The following TENT2 variants were observed in gnomAD, a reference collection of about 807,000 sequenced individuals.
The protein encoded by TENT2 is terminal nucleotidyltransferase 2, also known as poly(A) RNA polymerase GLD2.
In TENT2, 44 loss-of-function variants were observed where a neutral mutation model predicts 72.2. The observed-to-expected ratio is 0.61, with a 90% CI of 0.48 to 0.78. TENT2 has a LOEUF of 0.78. Ranked by LOEUF, TENT2 falls within the 30% of genes least tolerant of loss-of-function variation. TENT2 has a pLI of 0.00. For missense variants in TENT2, 541 were observed against 569.6 expected (o/e 0.95, Z 0.51); for synonymous variants, 212 against 192.5 (o/e 1.10, Z -0.84).
intron 6 of TENT2, 147 bp from the exon 7 acceptor site, chr5:79,642,685 A>G (rs1785400552): frequency 1.9e-6 from 1 of 537,478 alleles, no homozygotes. Flanking sequence ...ATTTAGAAAA[A>G]TAAATTGAAT....
chr5:79,658,355 ATTC>A (rs1799413040), intron 11 of TENT2, among the ~76,000 whole-genome samples: 2 of 148,952 alleles, frequency 1.3e-5, no homozygotes, highest in Admixed American at 1.4e-4. Context: ...CTTTTTATTT[ATTC>A]TTTTTTTTTT....
chr5:79,685,499 T>C lies in TENT2; in HGVS notation c.*226T>C. Reference sequence around the variant, plus strand: ...AAATGTTTACATTGATGATGAGTAATATTGCATGTGTTTTCAGGTGATCAG... The same window carrying C: ...AAATGTTTACATTGATGATGAGTAACATTGCATGTGTTTTCAGGTGATCAG... On this transcript the variant is annotated 3_prime_UTR_variant, in exon 15 of 15. Coordinates refer to ENST00000453514, the MANE Select transcript of TENT2 (RefSeq NM_001114394.3). The C allele has an allele frequency of 5.7e-6, 2 of 351,694 alleles. No homozygotes were observed. Among genetic ancestry groups the C allele is most frequent in the Non-Finnish European group, 1.0e-5 (2 of 197,794 alleles). The allele number at this position is 351,694 out of a possible 1,614,324, so 21.8% of individuals were successfully genotyped here. A position where few individuals can be genotyped will look rare whatever the true frequency, so the allele number is the denominator to read the frequency against.
In TENT2 at chr5:79,626,599, A is replaced by G. The variant is rs189315052; in HGVS notation, c.465+3110A>G. Among the ~76,000 whole-genome samples the G allele has an allele frequency of 8.9e-4, 131 of 146,522 alleles. 1 individual carries two copies. Among genetic ancestry groups the G allele is most frequent in the African/African-American group, 3.1e-3 (123 of 39,648 alleles). On this transcript the variant is annotated intron_variant, in intron 4 of 14. Coordinates refer to ENST00000453514, the MANE Select transcript of TENT2 (RefSeq NM_001114394.3). ...TGGAATTACAGGCGTGAACCCCCGC[A>G]CCCGGCCACCTGGCTAATGTTTTTA...
intron 14 of TENT2, among the ~76,000 whole-genome samples, chr5:79,682,491 G>A (rs909805491): frequency 6.7e-6 from 1 of 149,756 alleles, no homozygotes; most frequent in East Asian, 1.9e-4. Flanking sequence ...CACCATGTTG[G>A]TCAGGCTGGT....
chr5:79,639,637 G>C (rs766896504), intron 4 of TENT2, among the ~76,000 whole-genome samples: 1 of 152,108 alleles, frequency 6.6e-6, no homozygotes, highest in Non-Finnish European at 1.5e-5. Context: ...TTTTTATGCT[G>C]ATGGCTTGGG....
chr5:79,622,821 T>G (rs1426737082), intron 3 of TENT2, among the ~76,000 whole-genome samples: 1 of 152,210 alleles, frequency 6.6e-6, no homozygotes, highest in Middle Eastern at 3.2e-3. Flanking sequence ...TTAATTGGTC[T>G]TTCCTGCTGA....
At chr5:79,669,102 G>T in intron 12 of TENT2, 74 bp downstream of exon 12, 1 of 1,460,228 alleles carries the variant, frequency 6.8e-7, no homozygotes, top group African/African-American at 1.4e-5. Flanking sequence ...ATATGAATAC[G>T]AATATATAAG....
chr5:79,659,556 GTATATATATATATATATATATATA>G (rs71855117), intron 11 of TENT2, among the ~76,000 whole-genome samples: 28 of 34,272 alleles, frequency 8.2e-4, no homozygotes, highest in Non-Finnish European at 1.2e-3. Flanking sequence ...AAAAAAAAAT[GTATATATATATATATATATATATA>G]TATATATATA....
intron 4 of TENT2, among the ~76,000 whole-genome samples, chr5:79,634,586 G>A (rs991228037): frequency 7.2e-5 from 11 of 152,056 alleles, no homozygotes; most frequent in Non-Finnish European, 1.2e-4. Context: ...TGATCTGCCC[G>A]CCTTGGCCTC....
At chr5:79,682,446 ATTT>A (rs397961608) in intron 14 of TENT2, among the ~76,000 whole-genome samples, 1 of 136,294 alleles carries the variant, frequency 7.3e-6, no homozygotes, top group Non-Finnish European at 1.6e-5. Context: ...CACCCAGCTA[ATTT>A]TTTTTTTTTT....
chr5:79,619,633 T>A lies in TENT2; in HGVS notation c.-16T>A. ...CTAGGTAGAAGAATACATGTTCACTTCCAGTGAACAAGAGCATGTTCCCAA... is the reference window on the plus strand; with the variant it reads ...CTAGGTAGAAGAATACATGTTCACTACCAGTGAACAAGAGCATGTTCCCAA... On this transcript the variant is annotated 5_prime_UTR_variant, in exon 2 of 15. Coordinates refer to ENST00000453514, the MANE Select transcript of TENT2 (RefSeq NM_001114394.3). 3 of 1,605,588 alleles carry A rather than the reference T, an allele frequency of 1.9e-6. No homozygotes were observed. Among genetic ancestry groups the A allele is most frequent in the South Asian group, 1.1e-5 (1 of 90,500 alleles).
In TENT2 at chr5:79,620,001, A is replaced by G; in HGVS notation, c.145A>G (p.Arg49Gly). 1 of 1,607,114 alleles carries G rather than the reference A, an allele frequency of 6.2e-7. No individual in the cohort carries two copies. Among genetic ancestry groups the G allele is most frequent in the Non-Finnish European group, 8.5e-7 (1 of 1,175,606 alleles). ...TTTCTTTGATTTTGTTAGCTTGTCTAGAGCTGTGTCATTACAGCAGCTGAC... is the reference window on the plus strand; with the variant it reads ...TTTCTTTGATTTTGTTAGCTTGTCTGGAGCTGTGTCATTACAGCAGCTGAC... ...QFNFQNADLSRAVSLQQLTYG... is the reference protein window; with the variant it reads ...QFNFQNADLSGAVSLQQLTYG... Residue 49 changes from arginine to glycine, a missense_variant, in exon 3 of 15, where the codon AGA becomes GGA. By Grantham distance (125) the Arg-to-Gly change is moderately radical (BLOSUM62 -2). Transcript: ENST00000453514.
rs138435132 is a variant in TENT2 at position 79,688,130 on chromosome 5, A to C, written c.*2857A>C. On this transcript the variant is annotated 3_prime_UTR_variant, in exon 15 of 15. Coordinates refer to ENST00000453514, the MANE Select transcript of TENT2 (RefSeq NM_001114394.3). ...GATTTACAGTTCATTACCTCCAGAC[A>C]TAATGCATGCATACCAGCTCGTGTA... is the stretch of plus-strand genomic sequence containing the variant. Among the ~76,000 whole-genome samples the C allele has an allele frequency of 2.0e-5, 3 of 152,244 alleles. No individual in the cohort carries two copies. Among genetic ancestry groups the C allele is most frequent in the Non-Finnish European group, 4.4e-5 (3 of 68,038 alleles).
chr5:79,617,258 A>G (rs1459985544), intron 1 of TENT2, among the ~76,000 whole-genome samples: 1 of 151,572 alleles, frequency 6.6e-6, no homozygotes, highest in Non-Finnish European at 1.5e-5. Flanking sequence ...ATAAACACAA[A>G]TGTATAAGGT....
At chr5:79,630,091 C>T (rs1170610408) in intron 4 of TENT2, among the ~76,000 whole-genome samples, 6 of 151,878 alleles carry the variant, frequency 4.0e-5, no homozygotes, top group Admixed American at 6.6e-5. Flanking sequence ...GCCAACATCG[C>T]GTCACTGTAC....
chr5:79,654,159 C>T (rs143313666), intron 10 of TENT2, among the ~76,000 whole-genome samples: 11 of 152,262 alleles, frequency 7.2e-5, no homozygotes, highest in Middle Eastern at 3.4e-3. Context: ...AGGCCGGGCA[C>T]GGTGGCTCAC....
At chr5:79,624,343 G>T (rs930218992) in intron 4 of TENT2, among the ~76,000 whole-genome samples, 2 of 152,048 alleles carry the variant, frequency 1.3e-5, no homozygotes, top group Non-Finnish European at 2.9e-5. Context: ...AGAAATGTTG[G>T]GTCAGAAAAG....
chr5:79,659,594 A>AT lies in TENT2; in HGVS notation c.1071+2593_1071+2594insT, dbSNP rs70975771. Among the ~76,000 whole-genome samples, 322 of 127,442 alleles carry AT rather than the reference A, an allele frequency of 2.5e-3. 1 individual carries two copies. The highest frequency in any genetic ancestry group is 4.1e-3 in the Non-Finnish European group (245 of 60,256). The allele number at this position is 127,442 out of a possible 152,430, so 83.6% of individuals were successfully genotyped here. ...TATATATATATATATATATATATAT[A>AT]ATAGCCATCGTTTATTTAGTATCCA... On this transcript the variant is annotated intron_variant, in intron 11 of 14. Transcript: ENST00000453514.
chr5:79,646,412 C>T (rs1279135932), intron 8 of TENT2, among the ~76,000 whole-genome samples: 2 of 151,558 alleles, frequency 1.3e-5, no homozygotes, highest in Admixed American at 1.3e-4. Context: ...TGTGCTTACC[C>T]TAGGAGCAAT....
Sources: allele counts gnomAD v4.1 joint callset (sites outside exome capture counted in the v4.1 genomes callset), GRCh38; gene constraint gnomAD v4.1.1; transcripts MANE v1.5; gene names NCBI Gene and HGNC (gene_info 2026-07-23, HGNC 2026-07-21).